CSMD1: variants seen among roughly 807,000 people sequenced by gnomAD.
The protein encoded by CSMD1 is CUB and Sushi multiple domains 1.
In CSMD1, 213 loss-of-function variants were observed where a neutral mutation model predicts 417.5. The observed-to-expected ratio is 0.51, with a 90% CI of 0.46 to 0.57. The LOEUF is 0.57. Among genes scored for constraint, CSMD1 ranks in the 20% least tolerant of loss-of-function variants. CSMD1 has a pLI of 0.00. For missense variants in CSMD1, 6,923 were observed against 4,529.7 expected (o/e 1.53, Z -15.17); for synonymous variants, 2,862 against 1,736.8 (o/e 1.65, Z -16.11).
rs4347012 is a variant in CSMD1, at chr8:3,690,683, G to A, written c.1009+17731C>T. 5.9e-5 allele frequency among the ~76,000 whole-genome samples: 9 copies of A among 152,218 alleles called. No individual in the cohort carries two copies. The East Asian group carries it at 1.2e-3, about 20-fold the overall frequency. ...AGGGGCTGTGTGGAGTTGTAGGAAGGCTGAGAAGTACATAAAGCGCATAGC... is the reference window on the plus strand; with the variant it reads ...AGGGGCTGTGTGGAGTTGTAGGAAGACTGAGAAGTACATAAAGCGCATAGC... On this transcript the variant is annotated intron_variant, in intron 7 of 69. Coordinates refer to ENST00000635120, the MANE Select transcript of CSMD1 (RefSeq NM_033225.6).
chr8:3,803,768 T>C (rs746131857), intron 5 of CSMD1, among the ~76,000 whole-genome samples: 8 of 152,146 alleles, frequency 5.3e-5, no homozygotes, highest in African/African-American at 1.2e-4. Context: ...CTGAAGTAAT[T>C]TGAGTAACAT....
rs138298522 is a variant in CSMD1, at chr8:4,658,145, C to A, written c.86-20587G>T. On this transcript the variant is annotated intron_variant, in intron 1 of 69. Transcript: ENST00000635120. The stretch of plus-strand genomic sequence containing the variant: ...TAACAATATATGCATAATAAAAAAT[C>A]CAAAAGGGAAGGAGAAAGAGAAAGC... Among the ~76,000 whole-genome samples the A allele has an allele frequency of 3.1e-3, 466 of 151,802 alleles. 2 individuals are homozygous for A. Among genetic ancestry groups the A allele is most frequent in the Non-Finnish European group, 4.1e-3 (279 of 67,866 alleles).
At chr8:4,624,820 T>G (rs1347866814) in intron 2 of CSMD1, among the ~76,000 whole-genome samples, 1 of 152,104 alleles carries the variant, frequency 6.6e-6, no homozygotes, top group South Asian at 2.1e-4. Flanking sequence ...CACACAGACC[T>G]CAGAGTCCAC....
chr8:4,152,583 G>A (rs940057728), intron 3 of CSMD1, among the ~76,000 whole-genome samples: 4 of 151,740 alleles, frequency 2.6e-5, no homozygotes, highest in Non-Finnish European at 2.9e-5. Context: ...CCAACTCCTT[G>A]GGAGGCTTAA....
At chr8:3,538,745 A>T (rs1022473267) in intron 10 of CSMD1, among the ~76,000 whole-genome samples, 4 of 152,198 alleles carry the variant, frequency 2.6e-5, no homozygotes, top group African/African-American at 7.2e-5. Flanking sequence ...ATTCATCAGC[A>T]GTCACACAGC....
At chr8:3,183,731 A>G (rs1364756763) in intron 36 of CSMD1, among the ~76,000 whole-genome samples, 1 of 152,198 alleles carries the variant, frequency 6.6e-6, no homozygotes, top group Non-Finnish European at 1.5e-5. Flanking sequence ...ATCCATCCAC[A>G]TCATCACATT....
At chr8:3,257,985 G>A (rs371727152) in intron 26 of CSMD1, among the ~76,000 whole-genome samples, 3 of 152,204 alleles carry the variant, frequency 2.0e-5, no homozygotes, top group Non-Finnish European at 4.4e-5. Flanking sequence ...CCAGGTGGAA[G>A]GCTATTGCAG....
At chr8:3,177,696 C>A (rs937433318) in intron 37 of CSMD1, among the ~76,000 whole-genome samples, 1 of 152,070 alleles carries the variant, frequency 6.6e-6, no homozygotes, top group Non-Finnish European at 1.5e-5. Flanking sequence ...AGTCTCGGGG[C>A]CCGTGTGTTC....
At chr8:3,181,279 CAT>C (rs1821307292) in intron 36 of CSMD1, 65 bp from the exon 37 acceptor site, 1 of 1,087,804 alleles carries the variant, frequency 9.2e-7, no homozygotes, top group Non-Finnish European at 1.4e-6. Context: ...AAATATAAAA[CAT>C]ATGAGAATAC....
At chr8:4,239,380 G>A (rs1390753985) in intron 3 of CSMD1, among the ~76,000 whole-genome samples, 1 of 152,106 alleles carries the variant, frequency 6.6e-6, no homozygotes, top group Admixed American at 6.6e-5. Context: ...TTTCTCATTT[G>A]GCCATGGTTG....
At chr8:3,720,741 T>C (rs1266483515) in intron 6 of CSMD1, among the ~76,000 whole-genome samples, 2 of 152,166 alleles carry the variant, frequency 1.3e-5, no homozygotes, top group East Asian at 3.9e-4. Context: ...GAGATTCATT[T>C]TACAGAGCAA....
At chr8:3,428,736 G>A (rs577445079) in intron 12 of CSMD1, among the ~76,000 whole-genome samples, 1 of 152,132 alleles carries the variant, frequency 6.6e-6, no homozygotes, top group Non-Finnish European at 1.5e-5. Flanking sequence ...TCAGTACATG[G>A]AAGAGATAGC....
At chr8:4,427,695 T>C (rs1217196530) in intron 2 of CSMD1, among the ~76,000 whole-genome samples, 1 of 152,184 alleles carries the variant, frequency 6.6e-6, no homozygotes, top group Non-Finnish European at 1.5e-5. Flanking sequence ...CATTTATGTA[T>C]TTTTCTGTTC....
At chr8:3,368,015 G>C (rs573292530) in intron 19 of CSMD1, among the ~76,000 whole-genome samples, 2 of 152,298 alleles carry the variant, frequency 1.3e-5, no homozygotes, top group South Asian at 2.1e-4. Context: ...TGCCCGTAAA[G>C]CATATGACCT....
At chr8:3,190,308 A>T (rs959407097) in intron 33 of CSMD1, among the ~76,000 whole-genome samples, 193 bp from the exon 34 acceptor site, 1 of 106,306 alleles carries the variant, frequency 9.4e-6, no homozygotes, top group Non-Finnish European at 2.0e-5. Flanking sequence ...AGAGAAGTTA[A>T]TAAAGCCTCC....
At chr8:3,293,952 T>A (rs573278777) in intron 25 of CSMD1, among the ~76,000 whole-genome samples, 1 of 152,306 alleles carries the variant, frequency 6.6e-6, no homozygotes, top group Non-Finnish European at 1.5e-5. Flanking sequence ...CCCATCTTTG[T>A]GGTTTTATCT....
intron 64 of CSMD1, 115 bp downstream of exon 64, chr8:2,955,474 G>T: frequency 1.1e-6 from 1 of 951,170 alleles, no homozygotes; most frequent in Non-Finnish European, 1.6e-6. Flanking sequence ...AGGTGGCGAT[G>T]CTGCAGCCTC....
At chr8:3,575,697 G>C (rs1238951986) in intron 9 of CSMD1, among the ~76,000 whole-genome samples, 3 of 143,570 alleles carry the variant, frequency 2.1e-5, no homozygotes, top group Admixed American at 7.3e-5. Context: ...TTTAAAGAAA[G>C]AAAATAGGAA....
At chr8:4,246,958 A>G (rs764134240) in intron 3 of CSMD1, among the ~76,000 whole-genome samples, 1 of 152,330 alleles carries the variant, frequency 6.6e-6, no homozygotes, top group East Asian at 1.9e-4. Context: ...AAAACTATGG[A>G]AACACTTTAG....
Sources: gnomAD v4.1 joint callset for allele counts (sites outside exome capture counted in the v4.1 genomes callset) on GRCh38, gnomAD v4.1.1 for gene constraint, MANE v1.5 for transcripts, NCBI Gene and HGNC (gene_info 2026-07-23, HGNC 2026-07-21) for gene names.